Variants in MARK1 observed in about 807,000 individuals in gnomAD.
MARK1 encodes serine/threonine-protein kinase MARK1.
MARK1 carries 40 observed loss-of-function variants against 96.3 expected under a neutral mutation model. The ratio of observed to expected loss-of-function variants is 0.42; its 90% CI spans 0.32 to 0.54. The LOEUF (loss-of-function observed/expected upper bound fraction) is 0.54, where lower values mean the gene tolerates loss of function less well. MARK1 is among the 20% of genes least tolerant of loss of function. MARK1 has a pLI of 0.16. For synonymous variants in MARK1, 317 were observed against 341.2 expected (o/e 0.93, Z 0.78); for missense variants, 719 against 984.6 (o/e 0.73, Z 3.61).
At chr1:220,563,340 C>T (rs1384623604) in intron 1 of MARK1, among the ~76,000 whole-genome samples, 1 of 152,040 alleles carries the variant, frequency 6.6e-6, no homozygotes, top group East Asian at 1.9e-4. Flanking sequence ...TAATGGCTAA[C>T]ATTTATTGAA....
At chr1:220,535,816 G>C (rs1020807818) in intron 1 of MARK1, among the ~76,000 whole-genome samples, 6 of 152,038 alleles carry the variant, frequency 3.9e-5, no homozygotes, top group African/African-American at 1.4e-4. Context: ...AAAATCATTT[G>C]ACTGTGTATG....
intron 1 of MARK1, among the ~76,000 whole-genome samples, chr1:220,535,567 C>A (rs564011345): frequency 2.0e-5 from 3 of 152,132 alleles, no homozygotes; most frequent in Non-Finnish European, 2.9e-5. Flanking sequence ...CTTTTGATAT[C>A]ATATACAAGA....
At chr1:220,572,775 A>G (rs1663561802) in intron 1 of MARK1, among the ~76,000 whole-genome samples, 1 of 152,122 alleles carries the variant, frequency 6.6e-6, no homozygotes, top group Non-Finnish European at 1.5e-5. Context: ...ATTCATTTAT[A>G]TAGATTCATT....
chr1:220,538,646 A>G (rs1283209003), intron 1 of MARK1, among the ~76,000 whole-genome samples: 1 of 151,318 alleles, frequency 6.6e-6, no homozygotes, highest in African/African-American at 2.4e-5. Flanking sequence ...CATTGACTCT[A>G]TAAATTACCT....
chr1:220,614,771 TG>T (rs1298924271), intron 6 of MARK1, among the ~76,000 whole-genome samples: 1 of 152,158 alleles, frequency 6.6e-6, no homozygotes, highest in Non-Finnish European at 1.5e-5. Context: ...TAAATGGAAT[TG>T]TGTATTACTC....
chr1:220,540,806 G>A (rs1572046455), intron 1 of MARK1, among the ~76,000 whole-genome samples: 1 of 151,160 alleles, frequency 6.6e-6, no homozygotes, highest in Admixed American at 6.6e-5. Context: ...TGTTGTTTTT[G>A]TATTCACTAA....
At chr1:220,544,520 A>G (rs1169524345) in intron 1 of MARK1, among the ~76,000 whole-genome samples, 1 of 152,188 alleles carries the variant, frequency 6.6e-6, no homozygotes, top group Non-Finnish European at 1.5e-5. Flanking sequence ...CCGTCACGAG[A>G]TGCCAGCCCC....
chr1:220,544,915 A>G (rs1031091020), intron 1 of MARK1, among the ~76,000 whole-genome samples: 2 of 152,246 alleles, frequency 1.3e-5, no homozygotes, highest in African/African-American at 4.8e-5. Context: ...ATAAGGATAC[A>G]AAGACAAATG....
chr1:220,568,247 G>T (rs1457695846), intron 1 of MARK1, among the ~76,000 whole-genome samples: 1 of 152,156 alleles, frequency 6.6e-6, no homozygotes. Flanking sequence ...CAAAGGAGAT[G>T]TGTGGTATGA....
chr1:220,577,431 A>G (rs560883331), intron 1 of MARK1, among the ~76,000 whole-genome samples: 30 of 152,254 alleles, frequency 2.0e-4, no homozygotes, highest in Non-Finnish European at 2.8e-4. Context: ...CCCAGGTAAT[A>G]GAAGAGTCTC....
At chr1:220,529,025 C>A in intron 1 of MARK1, 152 bp downstream of exon 1, 1 of 694,864 alleles carries the variant, frequency 1.4e-6, no homozygotes, top group South Asian at 2.1e-5. Context: ...ACCCACTGCT[C>A]AGCCCTATTC....
At chr1:220,656,026 A>G (rs1423577850) in intron 16 of MARK1, among the ~76,000 whole-genome samples, 1 of 152,114 alleles carries the variant, frequency 6.6e-6, no homozygotes, top group Non-Finnish European at 1.5e-5. Flanking sequence ...TCACTTCTAC[A>G]CCAAACCTTA....
At chr1:220,536,901 A>G (rs1047043612) in intron 1 of MARK1, among the ~76,000 whole-genome samples, 10 of 152,078 alleles carry the variant, frequency 6.6e-5, no homozygotes, top group African/African-American at 2.4e-4. Flanking sequence ...CTTGTTAGAT[A>G]TTGAAGGTTT....
intron 1 of MARK1, among the ~76,000 whole-genome samples, chr1:220,555,461 C>T (rs914636926): frequency 2.6e-5 from 4 of 152,002 alleles, no homozygotes; most frequent in Admixed American, 6.6e-5. Flanking sequence ...ATGATGACAA[C>T]TTGGTCTAAG....
At chr1:220,643,297 C>A (rs566062841) in intron 13 of MARK1, among the ~76,000 whole-genome samples, 3 of 151,994 alleles carry the variant, frequency 2.0e-5, no homozygotes, top group Admixed American at 6.6e-5. Flanking sequence ...GATGCAAACA[C>A]AAGTAGCAAC....
intron 13 of MARK1, among the ~76,000 whole-genome samples, chr1:220,642,473 C>T (rs1668332372): frequency 6.6e-6 from 1 of 152,176 alleles, no homozygotes; most frequent in South Asian, 2.1e-4. Flanking sequence ...GTCTTACAGA[C>T]AGAACTCTCA....
chr1:220,555,911 T>A (rs1192106146), intron 1 of MARK1, among the ~76,000 whole-genome samples: 1 of 152,192 alleles, frequency 6.6e-6, no homozygotes, highest in Admixed American at 6.5e-5. Context: ...ATTGACATGG[T>A]TCCCTTTCTT....
chr1:220,616,842 G>A (rs1666779157), intron 7 of MARK1, among the ~76,000 whole-genome samples: 1 of 152,042 alleles, frequency 6.6e-6, no homozygotes, highest in Non-Finnish European at 1.5e-5. Flanking sequence ...CTGTTCCCCT[G>A]CTTCTGTGTT....
chr1:220,629,410 T>A (rs1387545431), intron 9 of MARK1, among the ~76,000 whole-genome samples: 1 of 150,866 alleles, frequency 6.6e-6, no homozygotes, highest in Non-Finnish European at 1.5e-5. Context: ...ATATTTACCC[T>A]CAACAACTTC....
Sources: allele counts gnomAD v4.1 joint callset (sites outside exome capture counted in the v4.1 genomes callset), GRCh38; gene constraint gnomAD v4.1.1; transcripts MANE v1.5; gene names NCBI Gene and HGNC (gene_info 2026-07-23, HGNC 2026-07-21).